VPS36: variants seen among roughly 807,000 people sequenced by gnomAD.
The protein encoded by VPS36 is vacuolar protein-sorting-associated protein 36.
In VPS36, 31 loss-of-function variants were observed where a neutral mutation model predicts 63.5. The observed-to-expected ratio is 0.49, with a 90% CI of 0.37 to 0.66. The LOEUF (loss-of-function observed/expected upper bound fraction) is 0.66. Among genes scored for constraint, VPS36 ranks in the 30% least tolerant of loss-of-function variants. VPS36 has a pLI of 0.00. For synonymous variants in VPS36, 138 were observed against 157.2 expected (o/e 0.88, Z 0.91); for missense variants, 338 against 463.7 (o/e 0.73, Z 2.49).
chr13:52,423,672 A>C (rs1368353411), intron 9 of VPS36, 33 bp from the exon 10 acceptor site: 2 of 1,552,148 alleles, frequency 1.3e-6, no homozygotes, highest in Admixed American at 3.4e-5. Context: ...AAAAAGTATT[A>C]TGTTACAATT....
intron 1 of VPS36, among the ~76,000 whole-genome samples, chr13:52,447,115 G>A (rs1213687859): frequency 6.6e-6 from 1 of 151,612 alleles, no homozygotes; most frequent in Non-Finnish European, 1.5e-5. Flanking sequence ...GACCTCAGAG[G>A]ATCTACCCGC....
At chr13:52,428,039 A>C (rs1958121740) in intron 6 of VPS36, among the ~76,000 whole-genome samples, 1 of 152,188 alleles carries the variant, frequency 6.6e-6, no homozygotes, top group Admixed American at 6.5e-5. Flanking sequence ...CAAGTAAGAT[A>C]ATCAGTTTAA....
At chr13:52,418,871 A>G (rs921982696) in intron 10 of VPS36, among the ~76,000 whole-genome samples, 1 of 152,214 alleles carries the variant, frequency 6.6e-6, no homozygotes, top group Admixed American at 6.5e-5. Context: ...TGTGGTGATG[A>G]CAAGCACAGC....
At position 52,436,303 on chromosome 13, in the gene VPS36, T is replaced by C. The variant is rs767129941; in HGVS notation, c.338A>G (p.His113Arg). The change falls in exon 4 of 14, where the codon CAT (histidine) becomes CGT (arginine). Residue 113 changes from histidine to arginine, a missense_variant. His to Arg is a conservative substitution (Grantham distance 29). Transcript: ENST00000378060. ...GTAGAAACTTACCTCAATCTGGCCA[T>C]GTTCTTTGAAGGAGAGTTTGATGTA... Reference protein sequence around the residue: ...NSYIKLSFKEHGQIEFYRRLS... With the variant: ...NSYIKLSFKERGQIEFYRRLS... 30 of 1,608,218 alleles carry C rather than the reference T, an allele frequency of 1.9e-5. No individual in the cohort carries two copies. The highest frequency in any genetic ancestry group is 2.4e-5 in the Non-Finnish European group (28 of 1,176,582).
At chr13:52,428,826 G>A (rs990105162) in intron 6 of VPS36, among the ~76,000 whole-genome samples, 5 of 151,968 alleles carry the variant, frequency 3.3e-5, no homozygotes, top group South Asian at 2.1e-4. Context: ...TTATGTTGCT[G>A]TAGAAAAAAT....
intron 6 of VPS36, 128 bp downstream of exon 6, chr13:52,433,534 T>C: frequency 2.6e-6 from 2 of 766,554 alleles, no homozygotes; most frequent in African/African-American, 1.8e-5. Flanking sequence ...TTAAAGAGAA[T>C]AGGAGACTAT....
At chr13:52,419,277 G>A (rs9568732) in intron 10 of VPS36, among the ~76,000 whole-genome samples, 63,702 of 152,114 alleles carry the variant, frequency 0.42, 14,856 homozygotes, top group East Asian at 0.58. Flanking sequence ...CTGAAGAATA[G>A]CCACTGCTGA....
chr13:52,417,220 C>T (rs1025178090), intron 11 of VPS36, 79 bp from the exon 12 acceptor site: 37 of 1,255,164 alleles, frequency 2.9e-5, no homozygotes, highest in Admixed American at 1.8e-4. Flanking sequence ...ATCTTTTATA[C>T]CTTCTTTTAT....
At chr13:52,421,334 T>C (rs1958043649) in intron 10 of VPS36, among the ~76,000 whole-genome samples, 1 of 151,704 alleles carries the variant, frequency 6.6e-6, no homozygotes, top group South Asian at 2.1e-4. Context: ...CTCATAGAAG[T>C]AGAGAGTAGA....
intron 9 of VPS36, among the ~76,000 whole-genome samples, chr13:52,424,717 G>A (rs1170848058): frequency 6.6e-6 from 1 of 152,254 alleles, no homozygotes; most frequent in Non-Finnish European, 1.5e-5. Flanking sequence ...CCGGCACGGT[G>A]GCTCACACCT....
At chr13:52,444,242 G>C (rs532195669) in intron 1 of VPS36, among the ~76,000 whole-genome samples, 2 of 152,202 alleles carry the variant, frequency 1.3e-5, no homozygotes, top group South Asian at 4.1e-4. Context: ...TGGATCACGA[G>C]GTCTGGAGAT....
At chr13:52,416,675 T>C (rs1007911119) in intron 12 of VPS36, among the ~76,000 whole-genome samples, 5 of 152,240 alleles carry the variant, frequency 3.3e-5, no homozygotes, top group Non-Finnish European at 5.9e-5. Context: ...AAGCAATTAT[T>C]TTCATAAAAC....
In VPS36 at chr13:52,416,798, A is replaced by T. The variant is rs1345902557; in HGVS notation, c.990+259T>A. ...GTTCTCAATACTGAGCTTTAATAGAAAAGAAAGCACCTCACTCACTAATTC... is the reference window on the plus strand; with the variant it reads ...GTTCTCAATACTGAGCTTTAATAGATAAGAAAGCACCTCACTCACTAATTC... On this transcript the variant is annotated intron_variant, in intron 12 of 13. Transcript: ENST00000378060. Among the ~76,000 whole-genome samples the T allele has an allele frequency of 4.6e-5, 7 of 152,220 alleles. No homozygotes were observed. In the East Asian group the frequency reaches 1.3e-3, roughly 29 times the overall value.
chr13:52,441,186 G>T (rs963989009), intron 2 of VPS36, among the ~76,000 whole-genome samples: 3 of 152,120 alleles, frequency 2.0e-5, no homozygotes, highest in Admixed American at 6.5e-5. Context: ...GGCAATATCA[G>T]ACCTAGGAGA....
chr13:52,433,764 G>A lies in VPS36; in HGVS notation c.442-16C>T, dbSNP rs57831032. 0.056 allele frequency: 87,931 copies of A among 1,574,264 alleles called. 2,925 individuals carry two copies. Among genetic ancestry groups the A allele is most frequent in the African/African-American group, 0.13 (9,690 of 72,270 alleles). ...TTCTTCCTGGCTGAAAAAAAAAAGA[G>A]GTAGAAAATAAAACATACAAAATAG... On this transcript the variant is annotated splice_polypyrimidine_tract_variant and intron_variant, in intron 5 of 13. Transcript: ENST00000378060.
chr13:52,442,428 C>T lies in VPS36; in HGVS notation c.114G>A (p.Gly38=). 6.2e-7 allele frequency: 1 copy of T among 1,611,476 alleles called. No homozygotes were observed. Among genetic ancestry groups the T allele is most frequent in the Non-Finnish European group, 8.5e-7 (1 of 1,179,210 alleles). ...DGEEKIKFDA[G]TLLLSTHRLI... is the part of the protein sequence containing the mutation. ...GTCGGTGTGTACTAAGAAGGAGAGTCCCAGCATCAAATTTTATCTAGAAAG... is the reference window on the plus strand; with the variant it reads ...GTCGGTGTGTACTAAGAAGGAGAGTTCCAGCATCAAATTTTATCTAGAAAG... Residue 38 remains glycine, a synonymous_variant, in exon 2 of 14, where the codon GGG becomes GGA. Transcript: ENST00000378060.
chr13:52,425,849 T>A, intron 9 of VPS36, 83 bp downstream of exon 9: 4 of 1,371,248 alleles, frequency 2.9e-6, no homozygotes, highest in East Asian at 5.1e-5. Context: ...ATCATGAAAA[T>A]AGTTATGCTC....
rs1444349513 is a variant in VPS36 at position 52,414,867 on chromosome 13, A to G, written c.*963T>C. ...CATGCAGTATTAGCCAGTTGTTGTTATCTCAGTAACATTTCTTACCGAAGT... is the reference window on the plus strand; with the variant it reads ...CATGCAGTATTAGCCAGTTGTTGTTGTCTCAGTAACATTTCTTACCGAAGT... On this transcript the variant is annotated 3_prime_UTR_variant, in exon 14 of 14. Coordinates refer to ENST00000378060, the MANE Select transcript of VPS36 (RefSeq NM_016075.4). 1 of 152,252 alleles carries G rather than the reference A, an allele frequency of 6.6e-6. No individual in the cohort carries two copies. The highest frequency in any genetic ancestry group is 1.5e-5 in the Non-Finnish European group (1 of 68,044). The allele number at this position is 152,252 out of a possible 1,614,324, so 9.4% of individuals were successfully genotyped here. A position where few individuals can be genotyped will look rare whatever the true frequency, so the allele number is the denominator to read the frequency against.
At chr13:52,420,384 G>A (rs1266635856) in intron 10 of VPS36, among the ~76,000 whole-genome samples, 1 of 151,704 alleles carries the variant, frequency 6.6e-6, no homozygotes, top group East Asian at 2.0e-4. Context: ...CCAGGCTGGA[G>A]TGCAGTGGCG....
Sources: gnomAD v4.1 joint callset for allele counts (sites outside exome capture counted in the v4.1 genomes callset) on GRCh38, gnomAD v4.1.1 for gene constraint, MANE v1.5 for transcripts, NCBI Gene and HGNC (gene_info 2026-07-23, HGNC 2026-07-21) for gene names.